GHR: variants seen among roughly 807,000 people sequenced by gnomAD.
GHR encodes growth hormone receptor.
GHR carries 35 observed loss-of-function variants against 67.1 expected under a neutral mutation model. That is an observed-to-expected ratio of 0.52 (90% CI 0.40 to 0.69). The LOEUF (loss-of-function observed/expected upper bound fraction) is 0.69. GHR is among the 30% of genes least tolerant of loss of function. The pLI is 0.00. For synonymous variants in GHR, 272 were observed against 269.1 expected (o/e 1.01, Z -0.10); for missense variants, 792 against 764.6 (o/e 1.04, Z -0.42).
chr5:42,488,174 A>G (rs1453530742), intron 1 of GHR, among the ~76,000 whole-genome samples: 2 of 152,224 alleles, frequency 1.3e-5, no homozygotes, highest in African/African-American at 4.8e-5. Flanking sequence ...AACTCTGATT[A>G]TAGTACTAAA....
chr5:42,690,665 A>T (rs1395214859), intron 4 of GHR, among the ~76,000 whole-genome samples: 1 of 152,198 alleles, frequency 6.6e-6, no homozygotes, highest in East Asian at 1.9e-4. Context: ...ACTTGGAGTT[A>T]GCAACCAAGC....
intron 1 of GHR, among the ~76,000 whole-genome samples, chr5:42,542,747 C>A (rs1053390267): frequency 6.6e-6 from 1 of 152,072 alleles, no homozygotes. Context: ...AAGTAATGTA[C>A]ATTGCACCCA....
At chr5:42,649,681 A>T (rs1171939582) in intron 3 of GHR, among the ~76,000 whole-genome samples, 1 of 152,160 alleles carries the variant, frequency 6.6e-6, no homozygotes, top group African/African-American at 2.4e-5. Context: ...TACTCTGGAT[A>T]AGCAGCATCC....
chr5:42,594,805 G>A (rs1350735012), intron 2 of GHR, among the ~76,000 whole-genome samples: 1 of 152,038 alleles, frequency 6.6e-6, no homozygotes, highest in Non-Finnish European at 1.5e-5. Flanking sequence ...GATACTTACT[G>A]TCTTAGTAAT....
chr5:42,427,831 G>A (rs1742919749), intron 1 of GHR, among the ~76,000 whole-genome samples: 1 of 152,210 alleles, frequency 6.6e-6, no homozygotes, highest in Admixed American at 6.5e-5. Context: ...AGGGGCTATA[G>A]GTGCAAGTCC....
chr5:42,553,275 A>G (rs1166806672), intron 1 of GHR, among the ~76,000 whole-genome samples: 1 of 152,124 alleles, frequency 6.6e-6, no homozygotes. Context: ...CTAGGGATGA[A>G]TTTTCCTCCA....
intron 1 of GHR, among the ~76,000 whole-genome samples, chr5:42,504,027 T>A (rs1409083415): frequency 1.3e-5 from 2 of 152,150 alleles, no homozygotes; most frequent in Non-Finnish European, 2.9e-5. Context: ...GGATTATGGG[T>A]CTGCAAATTT....
At chr5:42,651,372 T>A (rs1007238005) in intron 3 of GHR, among the ~76,000 whole-genome samples, 1 of 152,166 alleles carries the variant, frequency 6.6e-6, no homozygotes. Context: ...TATAAATGAA[T>A]ACCCTGTGCA....
intron 1 of GHR, among the ~76,000 whole-genome samples, chr5:42,536,334 C>A (rs1453006002): frequency 6.6e-6 from 1 of 151,900 alleles, no homozygotes; most frequent in Non-Finnish European, 1.5e-5. Flanking sequence ...TTGAGGTATG[C>A]CCCTTGTATG....
chr5:42,718,381 A>T, intron 9 of GHR, 72 bp from the exon 10 acceptor site: 1 of 1,138,452 alleles, frequency 8.8e-7, no homozygotes, highest in Non-Finnish European at 1.3e-6. Context: ...TAATCTCTGA[A>T]CATTATTTGC....
At chr5:42,554,370 G>A (rs1041080469) in intron 1 of GHR, among the ~76,000 whole-genome samples, 1 of 152,170 alleles carries the variant, frequency 6.6e-6, no homozygotes, top group East Asian at 1.9e-4. Flanking sequence ...TGCTTTAATT[G>A]TATGTAGAGT....
chr5:42,718,410 TGA>T (rs1461930334), intron 9 of GHR, 41 bp from the exon 10 acceptor site: 17 of 1,388,276 alleles, frequency 1.2e-5, no homozygotes, highest in Non-Finnish European at 1.6e-5. Flanking sequence ...TTAATTATTA[TGA>T]GTTTCTTTTC....
intron 2 of GHR, among the ~76,000 whole-genome samples, chr5:42,590,882 G>A (rs1561149328): frequency 6.6e-6 from 1 of 152,194 alleles, no homozygotes. Flanking sequence ...TTATCCAGCT[G>A]TGCAATTGTT....
intron 3 of GHR, among the ~76,000 whole-genome samples, chr5:42,629,743 G>A (rs1753857626): frequency 7.6e-6 from 1 of 131,066 alleles, no homozygotes; most frequent in Non-Finnish European, 1.6e-5. Flanking sequence ...GAGGAAAAAA[G>A]AGGAAATGAT....
At chr5:42,461,736 C>T (rs1052340017) in intron 1 of GHR, among the ~76,000 whole-genome samples, 4 of 152,170 alleles carry the variant, frequency 2.6e-5, no homozygotes, top group African/African-American at 7.2e-5. Flanking sequence ...CTACCTCCAG[C>T]ACAGAATGTC....
At chr5:42,594,513 A>G (rs773187702) in intron 2 of GHR, among the ~76,000 whole-genome samples, 24 of 152,144 alleles carry the variant, frequency 1.6e-4, no homozygotes, top group Admixed American at 3.3e-4. Flanking sequence ...TATATTATTA[A>G]AATAATGTCA....
At chr5:42,626,872 C>T (rs1319871733) in intron 2 of GHR, among the ~76,000 whole-genome samples, 1 of 152,128 alleles carries the variant, frequency 6.6e-6, no homozygotes, top group East Asian at 1.9e-4. Flanking sequence ...TTAGAGGTAA[C>T]GTGATCAGAT....
chr5:42,689,009 T>C lies in GHR; in HGVS notation c.256T>C (p.Tyr86His). 6.2e-7 allele frequency: 1 copy of C among 1,613,862 alleles called. No individual in the cohort carries two copies. The highest frequency in any genetic ancestry group is 8.5e-7 in the Non-Finnish European group (1 of 1,179,698). ...GAACCTAGGACCCATACAGCTGTTC[T>C]ATACCAGAAGGTGCCACCATCATGC... ...TKNLGPIQLF[Y>H]TRRNTQEWTQ... is the part of the protein sequence containing the mutation. Residue 86 changes from tyrosine (Y) to histidine (H), a missense_variant, in exon 4 of 10, where the codon TAT becomes CAT. Physicochemically the swap from Tyr to His is moderately conservative, Grantham distance 83. Coordinates refer to ENST00000230882, the MANE Select transcript of GHR (RefSeq NM_000163.5).
chr5:42,697,426 A>C (rs1757727052), intron 5 of GHR, among the ~76,000 whole-genome samples: 1 of 152,120 alleles, frequency 6.6e-6, no homozygotes, highest in Non-Finnish European at 1.5e-5. Flanking sequence ...GGAGAATAGG[A>C]GTGTTGGAGA....
Sources: allele counts gnomAD v4.1 joint callset (sites outside exome capture counted in the v4.1 genomes callset), GRCh38; gene constraint gnomAD v4.1.1; transcripts MANE v1.5; gene names NCBI Gene and HGNC (gene_info 2026-07-23, HGNC 2026-07-21).